GGTA1: variants seen among roughly 807,000 people sequenced by gnomAD.
GGTA1 encodes the protein inactive N-acetyllactosaminide alpha-1,3-galactosyltransferase.
In GGTA1, 5 loss-of-function variants were observed where a neutral mutation model predicts 2.6. That is an observed-to-expected ratio of 1.92 (90% CI 1.00 to 4.04). The LOEUF (loss-of-function observed/expected upper bound fraction) is 4.04. GGTA1 is among the 30% of genes most tolerant of loss of function. The pLI, the probability that GGTA1 is intolerant of heterozygous loss-of-function variation, is 0.00. For missense variants in GGTA1, 50 were observed against 16.7 expected (o/e 2.99, Z -3.47); for synonymous variants, 17 against 5.0 (o/e 3.38, Z -3.19).
intron 7 of GGTA1, among the ~76,000 whole-genome samples, chr9:121,449,389 G>A (rs925887261): frequency 1.8e-4 from 27 of 152,180 alleles, no homozygotes; most frequent in Admixed American, 5.2e-4. Context: ...TTCCAAAGTG[G>A]CTGTACCATT....
At chr9:121,480,912 G>C (rs2118734460) in intron 1 of GGTA1, among the ~76,000 whole-genome samples, 1 of 152,196 alleles carries the variant, frequency 6.6e-6, no homozygotes, top group East Asian at 1.9e-4. Context: ...CCAGCACTTT[G>C]GGAGGCCGAG....
At chr9:121,483,884 C>T (rs965748652) in intron 1 of GGTA1, among the ~76,000 whole-genome samples, 7 of 152,188 alleles carry the variant, frequency 4.6e-5, no homozygotes, top group African/African-American at 1.2e-4. Flanking sequence ...ACAAAGGTTG[C>T]AAGTTGTTGC....
chr9:121,450,342 G>C (rs561033430), downstream of GGTA1, among the ~76,000 whole-genome samples: 1 of 151,810 alleles, frequency 6.6e-6, no homozygotes, highest in African/African-American at 2.4e-5. Flanking sequence ...TGGCGGGGGG[G>C]TGGTTTAGTA....
At chr9:121,469,587 C>T (rs758390114) in intron 1 of GGTA1, among the ~76,000 whole-genome samples, 1 of 152,174 alleles carries the variant, frequency 6.6e-6, no homozygotes, top group Non-Finnish European at 1.5e-5. Context: ...AGGTGGCAGA[C>T]TACTCTGATG....
intron 1 of GGTA1, among the ~76,000 whole-genome samples, chr9:121,482,783 A>T (rs566537089): frequency 8.4e-4 from 127 of 151,994 alleles, no homozygotes; most frequent in Non-Finnish European, 1.5e-3. Context: ...AAATAAATTT[A>T]AAAAAATTAC....
At chr9:121,470,249 G>A (rs945806460) in intron 1 of GGTA1, among the ~76,000 whole-genome samples, 2 of 152,338 alleles carry the variant, frequency 1.3e-5, no homozygotes, top group Admixed American at 6.5e-5. Context: ...ATATACCTTG[G>A]CAAGAGAATT....
Position 121,499,650 on chromosome 9 carries a change from C to T in GGTA1, c.-10G>A, listed in dbSNP as rs548431957. ...CTGGGCGGCTCCCCGCGGGACCCACCTGATCCGCAGAACCAGGGCGCCGAG... is the reference window on the plus strand; with the variant it reads ...CTGGGCGGCTCCCCGCGGGACCCACTTGATCCGCAGAACCAGGGCGCCGAG... On this transcript the variant is annotated splice_region_variant and 5_prime_UTR_variant, in exon 1 of 6. Coordinates refer to ENST00000481799, the MANE Select transcript of GGTA1 (RefSeq NM_001382585.1). 5.9e-5 allele frequency: 9 copies of T among 152,536 alleles called. No individual in the cohort carries two copies. The highest frequency in any genetic ancestry group is 2.2e-4 in the African/African-American group (9 of 41,576). 9.4% of individuals were successfully genotyped at this position (152,536 alleles called of 1,614,324 possible).
exon 8 of GGTA1, chr9:121,446,991 T>C (rs1465721659): frequency 6.6e-6 from 1 of 152,332 alleles, no homozygotes; most frequent in Non-Finnish European, 1.5e-5. Context: ...GCCTATATGA[T>C]AATCCCAGCA....
At chr9:121,461,876 A>G (rs2064963008) in intron 3 of GGTA1, among the ~76,000 whole-genome samples, 1 of 152,218 alleles carries the variant, frequency 6.6e-6, no homozygotes, top group Non-Finnish European at 1.5e-5. Context: ...GATTGTTGTA[A>G]AAGTCTAGAG....
At chr9:121,486,510 T>G (rs1828756787) in intron 1 of GGTA1, among the ~76,000 whole-genome samples, 1 of 152,172 alleles carries the variant, frequency 6.6e-6, no homozygotes, top group South Asian at 2.1e-4. Flanking sequence ...CCCACAACCC[T>G]CTGGGCCAGG....
At chr9:121,466,130 G>C (rs902240997) in intron 2 of GGTA1, among the ~76,000 whole-genome samples, 1 of 152,066 alleles carries the variant, frequency 6.6e-6, no homozygotes, top group African/African-American at 2.4e-5. Context: ...ATTTTGCCAG[G>C]GCTGGTCTTG....
chr9:121,466,010 G>T (rs912262244), intron 2 of GGTA1, among the ~76,000 whole-genome samples: 1 of 152,058 alleles, frequency 6.6e-6, no homozygotes, highest in Non-Finnish European at 1.5e-5. Context: ...CAACCTCTCA[G>T]GCTCAAGTGA....
intron 1 of GGTA1, among the ~76,000 whole-genome samples, chr9:121,487,219 CAGG>C (rs993911997): frequency 2.0e-5 from 3 of 152,202 alleles, no homozygotes; most frequent in Non-Finnish European, 4.4e-5. Flanking sequence ...CAGTGAGATG[CAGG>C]AGAAGATGTT....
chr9:121,483,693 C>G (rs555333636), intron 1 of GGTA1, among the ~76,000 whole-genome samples: 3 of 152,110 alleles, frequency 2.0e-5, no homozygotes, highest in Non-Finnish European at 4.4e-5. Context: ...TCTTCCACAT[C>G]CTGAGTTGGA....
Position 121,467,936 on chromosome 9 carries a change from GA to G in GGTA1, c.-9-6del, listed in dbSNP as rs1194631552. On this transcript the variant is annotated splice_region_variant and splice_polypyrimidine_tract_variant and intron_variant, in intron 1 of 5. Transcript: ENST00000481799. ...TTTGACATTCATTATTTTCTCCTAG[GA>G]AAAAAGAAGAGGGGAGAAAAAAAGA... 11 of 452,286 alleles carry G rather than the reference GA, an allele frequency of 2.4e-5. No individual in the cohort carries two copies. Among genetic ancestry groups the G allele is most frequent in the Admixed American group, 2.4e-4 (10 of 41,748 alleles). 28.0% of individuals were successfully genotyped at this position (452,286 alleles called of 1,614,324 possible). A position where few individuals can be genotyped will look rare whatever the true frequency, so the allele number is the denominator to read the frequency against.
chr9:121,460,375 C>T (rs771744148), intron 4 of GGTA1, among the ~76,000 whole-genome samples, 156 bp from the exon 5 acceptor site: 4 of 152,172 alleles, frequency 2.6e-5, no homozygotes, highest in Admixed American at 6.5e-5. Flanking sequence ...AGCGTTTATT[C>T]ATAAAGACAT....
At chr9:121,498,014 TC>T (rs1454286395) in intron 1 of GGTA1, among the ~76,000 whole-genome samples, 1 of 152,216 alleles carries the variant, frequency 6.6e-6, no homozygotes, top group Non-Finnish European at 1.5e-5. Context: ...GTTGCACACT[TC>T]TGGACCTCAG....
At chr9:121,469,445 A>G (rs945745344) in intron 1 of GGTA1, among the ~76,000 whole-genome samples, 2 of 152,158 alleles carry the variant, frequency 1.3e-5, no homozygotes, top group Admixed American at 6.5e-5. Context: ...GATGAAAGGC[A>G]TGGGAGGGAG....
intron 1 of GGTA1, among the ~76,000 whole-genome samples, chr9:121,486,929 A>C (rs1016655181): frequency 6.6e-6 from 1 of 152,108 alleles, no homozygotes; most frequent in Non-Finnish European, 1.5e-5. Flanking sequence ...GAACTCAGGT[A>C]CCCCTATTTG....
Sources: allele counts gnomAD v4.1 joint callset (sites outside exome capture counted in the v4.1 genomes callset), GRCh38; gene constraint gnomAD v4.1.1; transcripts MANE v1.5; gene names NCBI Gene and HGNC (gene_info 2026-07-23, HGNC 2026-07-21).